Variants in DYSF observed in about 807,000 individuals in gnomAD.
The protein encoded by DYSF is dystrophy-associated fer-1-like 1.
DYSF carries 212 observed loss-of-function variants against 274.9 expected under a neutral mutation model. That is an observed-to-expected ratio of 0.77 (90% confidence interval 0.69 to 0.86). The LOEUF (loss-of-function observed/expected upper bound fraction) is 0.86. Among genes scored for constraint, DYSF ranks in the 40% least tolerant of loss-of-function variants. DYSF has a pLI of 0.00. For missense variants in DYSF, 2,666 were observed against 2,783.2 expected, an observed-to-expected ratio of 0.96 and a Z score of 0.95; for synonymous variants, 1,091 against 1,078.7, an observed-to-expected ratio of 1.01 and a Z score of -0.22.
At chr2:71,539,112 C>A in intron 16 of DYSF, 45 bp from the exon 17 acceptor site, 1 of 1,561,990 alleles carries the variant, frequency 6.4e-7, no homozygotes, top group Non-Finnish European at 8.8e-7. Flanking sequence ...CTGTGGCCTG[C>A]AGTTCCTTTC....
intron 41 of DYSF, 80 bp from the exon 42 acceptor site, chr2:71,643,883 CGG>C (rs2094525994): frequency 9.0e-7 from 1 of 1,107,598 alleles, no homozygotes; most frequent in Admixed American, 2.0e-5. Flanking sequence ...GGCCTAGCAG[CGG>C]AGGGAGGGTT....
Position 71,539,216 on chromosome 2 carries a change from C to T in DYSF, c.1553C>T (p.Ser518Phe), listed in dbSNP as rs758550124. Residue 518 changes from serine to phenylalanine, a missense_variant, in exon 17 of 56, where the codon TCT becomes TTT. This residue lies in a region of DYSF where 794 missense variants were observed against 777.1 expected (regional missense o/e 1.02). Coordinates refer to ENST00000410020, the MANE Select transcript of DYSF (RefSeq NM_001130987.2). ...ACCTACCTGAGTATGTCGAAAATCT[C>T]TGCCCCTGGAGGAGAAATAGAAGGT... Reference protein sequence around the residue: ...ATTYLSMSKISAPGGEIEVDD... With the variant: ...ATTYLSMSKIFAPGGEIEVDD... 3 of 1,614,160 alleles carry T rather than the reference C, an allele frequency of 1.9e-6. No homozygotes were observed. The Admixed American group carries it at 5.0e-5, about 27-fold the overall frequency.
At chr2:71,534,624 T>C (rs10187787) in intron 14 of DYSF, among the ~76,000 whole-genome samples, 91,007 of 152,030 alleles carry the variant, frequency 0.6, 28,234 homozygotes, top group Middle Eastern at 0.74. Context: ...TCTGGGGTAA[T>C]GGGCAAAAGA....
intron 1 of DYSF, among the ~76,000 whole-genome samples, chr2:71,457,847 C>T (rs774690345): frequency 3.3e-5 from 5 of 152,160 alleles, no homozygotes; most frequent in African/African-American, 9.7e-5. Context: ...CTGAGGTGGG[C>T]AACCTGTGGT....
chr2:71,454,446 C>T (rs1384603220), intron 1 of DYSF, among the ~76,000 whole-genome samples: 1 of 152,224 alleles, frequency 6.6e-6, no homozygotes, highest in African/African-American at 2.4e-5. Context: ...TCCTCCTTCT[C>T]CCCTGAAGGT....
rs2093535558 is a variant in DYSF at position 71,600,957 on chromosome 2, T to C, written c.3897+115T>C. 2.1e-6 allele frequency: 3 copies of C among 1,416,750 alleles called. No homozygotes were observed. The Admixed American group carries it at 5.5e-5, about 26-fold the overall frequency. The allele number at this position is 1,416,750 out of a possible 1,614,324, so 87.8% of individuals were successfully genotyped here. The stretch of plus-strand genomic sequence containing the variant: ...AAGCCAGGCCTCCTGCTGAGACCCA[T>C]TTTCTGAACCCTAAGTCAGGACACC... On this transcript the variant is annotated intron_variant, in intron 34 of 55. Transcript: ENST00000410020.
intron 7 of DYSF, among the ~76,000 whole-genome samples, chr2:71,514,575 C>T (rs1483750168): frequency 6.6e-6 from 1 of 151,866 alleles, no homozygotes; most frequent in Non-Finnish European, 1.5e-5. Context: ...TGGTCCTTTG[C>T]CTATTTTTTT....
intron 48 of DYSF, among the ~76,000 whole-genome samples, chr2:71,668,516 A>G (rs1489351311): frequency 6.6e-6 from 1 of 152,082 alleles, no homozygotes; most frequent in African/African-American, 2.4e-5. Context: ...AGCCACCACC[A>G]TCTCTGAGAA....
intron 53 of DYSF, among the ~76,000 whole-genome samples, chr2:71,679,753 GA>G (rs2095273087): frequency 6.6e-6 from 1 of 152,162 alleles, no homozygotes; most frequent in Non-Finnish European, 1.5e-5. Flanking sequence ...AGCCAACCCT[GA>G]AAGTGGTCCT....
At chr2:71,674,330 TG>T (rs754089048) in intron 52 of DYSF, 34 bp downstream of exon 52, 2 of 1,598,962 alleles carry the variant, frequency 1.3e-6, no homozygotes, top group Non-Finnish European at 1.7e-6. Context: ...ATTCTGCACA[TG>T]GGGGCTGCCC....
At position 71,611,603 on chromosome 2, in the gene DYSF, A is replaced by G. The variant is rs2093763625; in HGVS notation, c.4198A>G (p.Ile1400Val). ...CCTCCGGAAGAACCCCAACTTTGAC[A>G]TCTGCACCCTCTTCATGGAAGTGGT... ...RNLRKNPNFD[I>V]CTLFMEVMLP... Residue 1400 changes from isoleucine to valine, a missense_variant, in exon 38 of 56, where the codon ATC becomes GTC. Around this residue, in one of 3 missense-constraint regions of DYSF, gnomAD observed 1,460 missense variants for 1,502.1 expected, o/e 0.97. Coordinates refer to ENST00000410020, the MANE Select transcript of DYSF (RefSeq NM_001130987.2). 6.2e-7 allele frequency: 1 copy of G among 1,614,028 alleles called. No homozygotes were observed.
chr2:71,589,673 C>A lies in DYSF; in HGVS notation c.3483C>A (p.Ser1161=). The A allele has an allele frequency of 6.2e-7, 1 of 1,614,154 alleles. No homozygotes were observed. The highest frequency in any genetic ancestry group is 8.5e-7 in the Non-Finnish European group (1 of 1,179,988). Residue 1161 remains serine, a synonymous_variant, in exon 31 of 56, where the codon TCC becomes TCA. Transcript: ENST00000410020. ...LSFGVNRPTI[S]CIFDYGNRYH... ...TCGGTGTGAACAGACCCACGATTTC[C>A]TGCATATTCGACTGTAAGTGAGGCT...
At chr2:71,613,431 G>A in intron 40 of DYSF, 21 bp downstream of exon 40, 2 of 1,603,186 alleles carry the variant, frequency 1.2e-6, no homozygotes, top group Non-Finnish European at 8.5e-7. Flanking sequence ...CATCCTCCAG[G>A]GAGGCCTGGG....
intron 31 of DYSF, 29 bp downstream of exon 31, chr2:71,589,715 G>T (rs765776321): frequency 6.3e-7 from 1 of 1,575,744 alleles, no homozygotes; most frequent in South Asian, 1.1e-5. Context: ...CCTCTATGGG[G>T]TGATAAGGGT....
Position 71,600,687 on chromosome 2 carries a change from C to G in DYSF, c.3757-15C>G. ...GTAAGGGATGCTGATTCTTGTCTCT[C>G]TACGCTTGGTCTAGGGTGCAGACGA... On this transcript the variant is annotated splice_polypyrimidine_tract_variant and intron_variant, in intron 33 of 55. Transcript: ENST00000410020. 6.2e-7 allele frequency: 1 copy of G among 1,614,062 alleles called. No individual in the cohort carries two copies. Among genetic ancestry groups the G allele is most frequent in the Non-Finnish European group, 8.5e-7 (1 of 1,180,032 alleles).
At position 71,564,149 on chromosome 2, in the gene DYSF, T is replaced by G; in HGVS notation, c.2501T>G (p.Phe834Cys). The G allele has an allele frequency of 6.2e-7, 1 of 1,614,246 alleles. No individual in the cohort carries two copies. Among genetic ancestry groups the G allele is most frequent in the Non-Finnish European group, 8.5e-7 (1 of 1,180,038 alleles). The change falls in exon 24 of 56, where the codon TTC becomes TGC. Residue 834 changes from phenylalanine to cysteine, a missense_variant. Transcript: ENST00000410020. ...YQRVPAHQVL[F>C]SRRGANYCGK... ...CGGGTGCCCGCCCACCAAGTCCTCT[T>G]CTCCCGGCGGGGTGCCAACTACTGT...
Position 71,514,951 on chromosome 2 carries a change from C to T in DYSF, c.760-672C>T, listed in dbSNP as rs1486957673. On this transcript the variant is annotated intron_variant, in intron 7 of 55. Coordinates refer to ENST00000410020, the MANE Select transcript of DYSF (RefSeq NM_001130987.2). ...TTCCCATTGCTATTAAGAATATATC[C>T]TCCCATATTATGCAATTTACAAAAA... is the stretch of plus-strand genomic sequence containing the variant. Among the ~76,000 whole-genome samples, 8 of 150,950 alleles carry T rather than the reference C, an allele frequency of 5.3e-5. No homozygotes were observed. In the East Asian group the frequency reaches 5.8e-4, roughly 11 times the overall value.
intron 17 of DYSF, among the ~76,000 whole-genome samples, chr2:71,545,038 A>G (rs2090354854): frequency 6.6e-6 from 1 of 152,224 alleles, no homozygotes. Flanking sequence ...TGCATGGTGA[A>G]AGAGAATAAC....
At chr2:71,472,902 CTGTT>C (rs1198302438) in intron 1 of DYSF, among the ~76,000 whole-genome samples, 9 of 152,244 alleles carry the variant, frequency 5.9e-5, no homozygotes, top group African/African-American at 2.2e-4. Flanking sequence ...TTCTCCAGTT[CTGTT>C]TGTTTTTCTT....
Sources: gnomAD v4.1 joint callset for allele counts (sites outside exome capture counted in the v4.1 genomes callset) on GRCh38, gnomAD v4.1.1 for gene constraint, gnomAD v4.1.1 regional missense constraint, MANE v1.5 for transcripts, NCBI Gene and HGNC (gene_info 2026-07-23, HGNC 2026-07-21) for gene names.